The following UNC79 variants were observed in gnomAD, a reference collection of about 807,000 sequenced individuals.
The protein encoded by UNC79 is unc-79 subunit of NALCN channel complex.
UNC79 carries 37 observed loss-of-function variants against 283.1 expected under a neutral mutation model. The observed-to-expected ratio is 0.13, with a 90% CI of 0.10 to 0.17. The LOEUF is 0.17. UNC79 is among the 10% of genes least tolerant of loss of function. The pLI is 1.00. For missense variants in UNC79, 2,272 were observed against 3,211.1 expected (o/e 0.71, Z 7.07); for synonymous variants, 1,107 against 1,200.2 (o/e 0.92, Z 1.61).
chr14:93,664,779 C>G (rs114188298), intron 40 of UNC79, among the ~76,000 whole-genome samples: 1 of 152,088 alleles, frequency 6.6e-6, no homozygotes. Flanking sequence ...AGTCAAATAA[C>G]ATTAGTGCTT....
intron 1 of UNC79, among the ~76,000 whole-genome samples, chr14:93,355,357 C>T (rs1313543289): frequency 3.3e-5 from 5 of 152,344 alleles, no homozygotes; most frequent in African/African-American, 1.2e-4. Context: ...TGCCACCATA[C>T]CCAGCTAATT....
chr14:93,700,073 GT>G (rs35612423), intron 47 of UNC79, among the ~76,000 whole-genome samples: 1,972 of 140,796 alleles, frequency 0.014, 43 homozygotes, highest in African/African-American at 0.048. Context: ...GGTTTCGGAG[GT>G]TTTTTTTTTT....
intron 33 of UNC79, among the ~76,000 whole-genome samples, chr14:93,643,239 C>T (rs943949776): frequency 2.3e-4 from 35 of 152,320 alleles, no homozygotes; most frequent in Admixed American, 2.1e-3. Context: ...AATCCTTCAT[C>T]CACAGGCTTC....
intron 47 of UNC79, among the ~76,000 whole-genome samples, chr14:93,695,459 G>A (rs183056427): frequency 6.6e-6 from 1 of 152,204 alleles, no homozygotes; most frequent in Non-Finnish European, 1.5e-5. Context: ...AATAGCAAAA[G>A]TCAACACTGT....
chr14:93,490,113 G>A lies in UNC79; in HGVS notation c.712+2358G>A, dbSNP rs564352389. 4.4e-4 allele frequency among the ~76,000 whole-genome samples: 67 copies of A among 152,264 alleles called. 1 individual carries two copies. The South Asian group carries it at 0.01, about 24-fold the overall frequency. Reference sequence around the variant, plus strand: ...ATGCCCTGAAGTCTCAAAAGTGCTGGTGGCCTCTCCTCTGAAACCATTTCT... The same window carrying A: ...ATGCCCTGAAGTCTCAAAAGTGCTGATGGCCTCTCCTCTGAAACCATTTCT... On this transcript the variant is annotated intron_variant, in intron 5 of 48. Coordinates refer to ENST00000555664, the Ensembl canonical transcript of UNC79.
intron 7 of UNC79, among the ~76,000 whole-genome samples, chr14:93,502,152 G>A (rs536503177): frequency 1.6e-4 from 24 of 152,312 alleles, no homozygotes; most frequent in Non-Finnish European, 2.6e-4. Flanking sequence ...GGTGGCTTAT[G>A]CCTGTAATCC....
chr14:93,687,716 C>T (rs2140903643), intron 43 of UNC79, among the ~76,000 whole-genome samples: 1 of 152,222 alleles, frequency 6.6e-6, no homozygotes, highest in South Asian at 2.1e-4. Context: ...TAATGAGCTC[C>T]CCTGTCGTTC....
intron 1 of UNC79, among the ~76,000 whole-genome samples, chr14:93,363,090 G>A (rs1029302595): frequency 2.6e-5 from 4 of 152,116 alleles, no homozygotes; most frequent in East Asian, 1.9e-4. Context: ...ACTTTTTGAC[G>A]TGGGTATTTA....
chr14:93,419,897 T>C (rs1287442468), intron 1 of UNC79, among the ~76,000 whole-genome samples: 1 of 151,362 alleles, frequency 6.6e-6, no homozygotes, highest in African/African-American at 2.4e-5. Context: ...GACCCTGTCT[T>C]TATAAAAGAA....
chr14:93,355,987 T>C (rs773725184), intron 1 of UNC79, among the ~76,000 whole-genome samples: 9 of 151,972 alleles, frequency 5.9e-5, no homozygotes, highest in Non-Finnish European at 1.3e-4. Context: ...CTTACTCTTA[T>C]TACAAGTGTA....
intron 4 of UNC79, among the ~76,000 whole-genome samples, chr14:93,483,032 G>A (rs1595589594): frequency 6.6e-6 from 1 of 152,080 alleles, no homozygotes; most frequent in South Asian, 2.1e-4. Context: ...TTTCACAAAG[G>A]CACCACACTT....
At chr14:93,423,062 C>CAAAAAAAAAAAAAAAAAAAAAA in intron 1 of UNC79, among the ~76,000 whole-genome samples, 1 of 77,292 alleles carries the variant, frequency 1.3e-5, no homozygotes, top group Non-Finnish European at 2.4e-5. Context: ...GACTCTGTCT[C>CAAAAAAAAAAAAAAAAAAAAAA]AAAAAAAAAA....
intron 1 of UNC79, among the ~76,000 whole-genome samples, chr14:93,405,005 G>A (rs781174327): frequency 2.6e-4 from 40 of 151,914 alleles, no homozygotes; most frequent in Non-Finnish European, 5.3e-4. Context: ...AAGAAGAGTC[G>A]GGAGGGGTGG....
intron 1 of UNC79, among the ~76,000 whole-genome samples, chr14:93,347,733 C>A (rs1352128024): frequency 6.6e-6 from 1 of 152,040 alleles, no homozygotes; most frequent in Non-Finnish European, 1.5e-5. Flanking sequence ...CATCCTCGGA[C>A]GTCCTCGGCA....
intron 4 of UNC79, among the ~76,000 whole-genome samples, chr14:93,485,430 C>G (rs2058369093): frequency 6.6e-6 from 1 of 151,974 alleles, no homozygotes; most frequent in Admixed American, 6.6e-5. Context: ...AGCCAGCTTG[C>G]ATCAGAATCA....
At chr14:93,695,806 C>T (rs926349910) in intron 47 of UNC79, among the ~76,000 whole-genome samples, 30 of 144,424 alleles carry the variant, frequency 2.1e-4, no homozygotes, top group Non-Finnish European at 3.6e-4. Context: ...GCAGGATAAT[C>T]GCTTAACCCG....
intron 26 of UNC79, 48 bp from the exon 27 acceptor site, chr14:93,604,848 C>T: frequency 6.6e-7 from 1 of 1,512,502 alleles, no homozygotes; most frequent in Non-Finnish European, 8.8e-7. Flanking sequence ...TTCTAGGCTC[C>T]AGTTGTCTGT....
At chr14:93,452,563 AT>A in intron 1 of UNC79, among the ~76,000 whole-genome samples, 1 of 151,860 alleles carries the variant, frequency 6.6e-6, no homozygotes, top group South Asian at 2.1e-4. Context: ...TAATTTTTGT[AT>A]TTTTAGTAGA....
At chr14:93,425,311 C>A (rs985709682) in intron 1 of UNC79, among the ~76,000 whole-genome samples, 3 of 152,152 alleles carry the variant, frequency 2.0e-5, no homozygotes. Flanking sequence ...GGAGTAACCG[C>A]CCCCATGACT....
Sources: allele counts gnomAD v4.1 joint callset (sites outside exome capture counted in the v4.1 genomes callset), GRCh38; gene constraint gnomAD v4.1.1; transcripts MANE v1.5; gene names NCBI Gene and HGNC (gene_info 2026-07-23, HGNC 2026-07-21).